The following DNAH11 variants were observed in gnomAD, a reference collection of about 807,000 sequenced individuals.
DNAH11 encodes the protein dynein axonemal heavy chain 11, also known as axonemal beta dynein heavy chain 11.
A neutral mutation model predicts 526.0 loss-of-function variants in DNAH11; 442 were observed. The observed-to-expected ratio is 0.84, with a 90% CI of 0.78 to 0.91. The LOEUF (loss-of-function observed/expected upper bound fraction) is 0.91, where lower values mean the gene tolerates loss of function less well. DNAH11 is among the 40% of genes least tolerant of loss of function. DNAH11 has a pLI of 0.00. For synonymous variants in DNAH11, 2,461 were observed against 1,935.9 expected, an observed-to-expected ratio of 1.27 and a Z score of -7.12; for missense variants, 6,989 against 5,448.7, an observed-to-expected ratio of 1.28 and a Z score of -8.90.
intron 35 of DNAH11, among the ~76,000 whole-genome samples, chr7:21,694,531 A>T (rs1015124368): frequency 6.6e-6 from 1 of 152,130 alleles, no homozygotes; most frequent in African/African-American, 2.4e-5. Context: ...ACATGAACTC[A>T]TTCCTTTTTA....
intron 28 of DNAH11, among the ~76,000 whole-genome samples, chr7:21,652,793 T>C (rs1781841045): frequency 6.6e-6 from 1 of 152,216 alleles, no homozygotes; most frequent in South Asian, 2.1e-4. Flanking sequence ...TATTGGTTCT[T>C]TTTAAAAAAT....
chr7:21,873,123 T>C (rs1783564152), intron 73 of DNAH11, 151 bp from the exon 74 acceptor site: 2 of 710,368 alleles, frequency 2.8e-6, no homozygotes, highest in Non-Finnish European at 4.7e-6. Flanking sequence ...GATGTATTGA[T>C]AAAGGAAAAT....
chr7:21,699,453 A>G (rs1682419629), intron 36 of DNAH11, among the ~76,000 whole-genome samples: 1 of 152,170 alleles, frequency 6.6e-6, no homozygotes, highest in South Asian at 2.1e-4. Flanking sequence ...TACTGGTGAC[A>G]TTATTCTGTA....
chr7:21,868,836 C>G, intron 72 of DNAH11, 28 bp from the exon 73 acceptor site: 1 of 1,613,436 alleles, frequency 6.2e-7, no homozygotes, highest in Non-Finnish European at 8.5e-7. Context: ...ATAGACATTT[C>G]CTCTCACCGT....
At chr7:21,617,941 C>A (rs1020492183) in intron 23 of DNAH11, among the ~76,000 whole-genome samples, 164 bp downstream of exon 23, 2 of 152,200 alleles carry the variant, frequency 1.3e-5, no homozygotes, top group Non-Finnish European at 2.9e-5. Flanking sequence ...GTCGCCTGAT[C>A]CGACCAACAA....
At chr7:21,691,167 ATTTTT>A (rs939874805) in intron 35 of DNAH11, among the ~76,000 whole-genome samples, 3 of 121,862 alleles carry the variant, frequency 2.5e-5, no homozygotes, top group Admixed American at 1.7e-4. Flanking sequence ...ATCTTTCATA[ATTTTT>A]TTTTTCTTTT....
chr7:21,836,812 C>A (rs891522378), intron 65 of DNAH11, among the ~76,000 whole-genome samples: 3 of 152,026 alleles, frequency 2.0e-5, no homozygotes, highest in African/African-American at 7.2e-5. Context: ...AGACAACCTG[C>A]AGAATGGGAG....
chr7:21,747,229 G>C (rs902036095), intron 51 of DNAH11, among the ~76,000 whole-genome samples: 1 of 152,160 alleles, frequency 6.6e-6, no homozygotes, highest in Non-Finnish European at 1.5e-5. Context: ...GTTTTGTTGT[G>C]TGGTCATGTG....
At position 21,641,994 on chromosome 7, in the gene DNAH11, C is replaced by T. The variant is rs181446758; in HGVS notation, c.4944+2929C>T. Reference sequence around the variant, plus strand: ...ACAGCTGTGCTGATAAATGCCACCACGCTAACAAAGGGAGGTGGGTATTTC... The same window carrying T: ...ACAGCTGTGCTGATAAATGCCACCATGCTAACAAAGGGAGGTGGGTATTTC... On this transcript the variant is annotated intron_variant, in intron 28 of 81. Transcript: ENST00000409508. Among the ~76,000 whole-genome samples, 28 of 152,278 alleles carry T rather than the reference C, an allele frequency of 1.8e-4. No individual in the cohort carries two copies. The East Asian group carries it at 2.5e-3, about 14-fold the overall frequency.
At chr7:21,554,537 C>A (rs150377081) in intron 2 of DNAH11, among the ~76,000 whole-genome samples, 1 of 152,180 alleles carries the variant, frequency 6.6e-6, no homozygotes, top group Admixed American at 6.5e-5. Flanking sequence ...GCTGGCAAGA[C>A]GTCTTGCCCA....
At chr7:21,863,254 C>A (rs904945299) in intron 69 of DNAH11, among the ~76,000 whole-genome samples, 1 of 152,164 alleles carries the variant, frequency 6.6e-6, no homozygotes, top group Non-Finnish European at 1.5e-5. Context: ...AAAGAAGGCA[C>A]TTTATACATA....
At chr7:21,614,016 A>G (rs534001771) in intron 20 of DNAH11, among the ~76,000 whole-genome samples, 21 of 151,856 alleles carry the variant, frequency 1.4e-4, no homozygotes, top group Non-Finnish European at 1.8e-4. Context: ...GGCTCAAGCA[A>G]TCCACCTACT....
intron 2 of DNAH11, among the ~76,000 whole-genome samples, chr7:21,548,970 C>G (rs1200451140): frequency 6.6e-6 from 1 of 152,004 alleles, no homozygotes; most frequent in South Asian, 2.1e-4. Flanking sequence ...CAACCTCTGC[C>G]TCCCCAGTTC....
chr7:21,841,077 AG>A (rs1295566086), intron 65 of DNAH11, among the ~76,000 whole-genome samples: 1 of 152,084 alleles, frequency 6.6e-6, no homozygotes, highest in East Asian at 1.9e-4. Context: ...TCAGCTACTC[AG>A]GAGGCTGAGG....
intron 68 of DNAH11, among the ~76,000 whole-genome samples, chr7:21,859,883 A>G (rs1461011448): frequency 1.3e-5 from 2 of 152,176 alleles, no homozygotes; most frequent in South Asian, 2.1e-4. Flanking sequence ...AACAACAACA[A>G]CAACAACGAC....
chr7:21,901,666 AATTAAATT>A lies in DNAH11; in HGVS notation c.*417_*424del, dbSNP rs1176547447. ...AGATTTTAATTTTTAACAAACAACA[AATTAAATT>A]ATTAGCCCTTAAACTCTTTCAAAAT... On this transcript the variant is annotated 3_prime_UTR_variant, in exon 82 of 82. Transcript: ENST00000409508. 6.4e-6 allele frequency: 1 copy of A among 157,144 alleles called. No homozygotes were observed. Among genetic ancestry groups the A allele is most frequent in the Non-Finnish European group, 1.4e-5 (1 of 71,232 alleles). The allele number at this position is 157,144 out of a possible 1,614,324, so 9.7% of individuals were successfully genotyped here. A position where few individuals can be genotyped will look rare whatever the true frequency, so the allele number is the denominator to read the frequency against.
At chr7:21,716,103 T>C (rs2128482422) in intron 42 of DNAH11, among the ~76,000 whole-genome samples, 1 of 152,148 alleles carries the variant, frequency 6.6e-6, no homozygotes. Flanking sequence ...GGCTATTTTT[T>C]TGAAGTTACT....
rs745569195 is a variant in DNAH11, at chr7:21,720,722, T to G, written c.7135-3T>G. The G allele has an allele frequency of 6.4e-7, 1 of 1,557,062 alleles. No homozygotes were observed. The highest frequency in any genetic ancestry group is 8.7e-7 in the Non-Finnish European group (1 of 1,150,794). On this transcript the variant is annotated splice_region_variant and splice_polypyrimidine_tract_variant and intron_variant, in intron 43 of 81. Transcript: ENST00000409508. Reference sequence around the variant, plus strand: ...CCTTATTTGACTATTTCTTTTTCTTTAGACTCTATGTGTTCTTTTGGAGTG... The same window carrying G: ...CCTTATTTGACTATTTCTTTTTCTTGAGACTCTATGTGTTCTTTTGGAGTG...
At chr7:21,739,260 C>G (rs943137260) in intron 47 of DNAH11, among the ~76,000 whole-genome samples, 2 of 152,154 alleles carry the variant, frequency 1.3e-5, no homozygotes, top group African/African-American at 4.8e-5. Flanking sequence ...GGGACAGCCC[C>G]CAGCACATCC....
Sources: gnomAD v4.1 joint callset for allele counts (sites outside exome capture counted in the v4.1 genomes callset) on GRCh38, gnomAD v4.1.1 for gene constraint, MANE v1.5 for transcripts, NCBI Gene and HGNC (gene_info 2026-07-23, HGNC 2026-07-21) for gene names.